Variants in EHMT1 observed in about 807,000 individuals in gnomAD.
The protein encoded by EHMT1 is histone-lysine N-methyltransferase EHMT1.
EHMT1 carries 15 observed loss-of-function variants against 147.2 expected under a neutral mutation model. The observed-to-expected ratio is 0.10, with a 90% CI of 0.07 to 0.16. EHMT1 has a LOEUF of 0.16. EHMT1 is among the 10% of genes least tolerant of loss of function. The pLI, the probability that EHMT1 is intolerant of heterozygous loss-of-function variation, is 1.00. For missense variants in EHMT1, 1,587 were observed against 1,772.4 expected (o/e 0.90, Z 1.88); for synonymous variants, 795 against 709.6 (o/e 1.12, Z -1.91).
rs189451374 is a variant in EHMT1, at chr9:137,635,689, G to A, written c.21+16640G>A. On this transcript the variant is annotated intron_variant, in intron 1 of 26. Transcript: ENST00000460843. ...CAAAAAATTAGTGGGACGTGGTGGC[G>A]GGCGCCTGTAGTTCCAGCTACTCGG... Among the ~76,000 whole-genome samples the A allele has an allele frequency of 3.1e-3, 474 of 150,988 alleles. 2 individuals carry two copies. The highest frequency in any genetic ancestry group is 9.9e-3 in the East Asian group (47 of 4,728).
intron 23 of EHMT1, chr9:137,816,442 C>T: frequency 4.0e-5 from 14 of 346,894 alleles, no homozygotes; most frequent in Admixed American, 8.0e-5. Flanking sequence ...ATTCTCTGTT[C>T]TCTGGGCTTC....
Position 137,782,291 on chromosome 9 carries a change from T to C in EHMT1, c.2276T>C (p.Val759Ala), listed in dbSNP as rs746824538. 6.2e-7 allele frequency: 1 copy of C among 1,613,206 alleles called. No individual in the cohort carries two copies. Reference sequence around the variant, plus strand: ...TTAATAAAACTGTGTTTGTTCACAGTGGACGGAATTGACCCCAACTTCAAA... The same window carrying C: ...TTAATAAAACTGTGTTTGTTCACAGCGGACGGAATTGACCCCAACTTCAAA... The part of the protein sequence containing the change: ...GELQKVLLML[V>A]DGIDPNFKME... Residue 759 changes from valine to alanine, a missense_variant and splice_region_variant, in exon 15 of 27, where the codon GTG becomes GCG. Physicochemically the swap from Val to Ala is moderately conservative, Grantham distance 64. Around this residue, in one of 7 missense-constraint regions of EHMT1, gnomAD observed 201 missense variants for 350.1 expected, o/e 0.57. Transcript: ENST00000460843. This position sits in a 1 kb window ranked among gnomAD's most constrained non-coding sequence, Gnocchi z 5.7.
At chr9:137,805,249 GT>G (rs1953848577) in intron 18 of EHMT1, among the ~76,000 whole-genome samples, 1 of 151,946 alleles carries the variant, frequency 6.6e-6, no homozygotes, top group African/African-American at 2.4e-5. Context: ...ATGTGTGTCA[GT>G]TGTCTACATG....
chr9:137,680,187 G>A (rs1379864892), intron 1 of EHMT1, among the ~76,000 whole-genome samples: 1 of 152,120 alleles, frequency 6.6e-6, no homozygotes, highest in Non-Finnish European at 1.5e-5. Context: ...AAAAGCATCA[G>A]GTGGGACCAG....
chr9:137,652,568 T>C (rs1283383661), intron 1 of EHMT1, among the ~76,000 whole-genome samples: 1 of 151,508 alleles, frequency 6.6e-6, no homozygotes, highest in African/African-American at 2.4e-5. Context: ...TTATTTTTAG[T>C]AGAGGTGGGG....
chr9:137,770,562 G>A (rs746083117), intron 10 of EHMT1, among the ~76,000 whole-genome samples: 8 of 152,198 alleles, frequency 5.3e-5, no homozygotes, highest in Admixed American at 2.6e-4. Flanking sequence ...TGCCCTGCTC[G>A]TTGTTTGGTG....
Position 137,813,629 on chromosome 9 carries a change from A to G in EHMT1, c.3180+99A>G. The G allele has an allele frequency of 1.3e-6, 2 of 1,541,044 alleles. No homozygotes were observed. Among genetic ancestry groups the G allele is most frequent in the Non-Finnish European group, 1.8e-6 (2 of 1,134,494 alleles). On this transcript the variant is annotated intron_variant, in intron 21 of 26. Coordinates refer to ENST00000460843, the MANE Select transcript of EHMT1 (RefSeq NM_024757.5). This position sits in a 1 kb window ranked among gnomAD's most constrained non-coding sequence, Gnocchi z 4.9. The stretch of plus-strand genomic sequence containing the variant: ...CTGGGTTCTCACCACTCAGAGCAGG[A>G]GGGCTTATGGGGGGCTTCCCAGGAA...
At chr9:137,660,059 C>A (rs577222999) in intron 1 of EHMT1, among the ~76,000 whole-genome samples, 1 of 151,092 alleles carries the variant, frequency 6.6e-6, no homozygotes, top group African/African-American at 2.4e-5. Flanking sequence ...CTTCATGTGC[C>A]GGTGTGGTGG....
At chr9:137,640,063 T>C (rs981986350) in intron 1 of EHMT1, among the ~76,000 whole-genome samples, 5 of 151,870 alleles carry the variant, frequency 3.3e-5, no homozygotes, top group African/African-American at 7.3e-5. Flanking sequence ...GCCTCCCGAG[T>C]AGCTAGGATT....
intron 3 of EHMT1, among the ~76,000 whole-genome samples, chr9:137,724,263 A>G (rs1317586441): frequency 6.6e-6 from 1 of 152,172 alleles, no homozygotes; most frequent in Admixed American, 6.5e-5. Context: ...CCTGGTGCAC[A>G]GCCCACCGCC....
Position 137,781,282 on chromosome 9 carries a change from C to T in EHMT1, c.2276-1009C>T, listed in dbSNP as rs1204881788. Among the ~76,000 whole-genome samples the T allele has an allele frequency of 8.8e-4, 108 of 123,184 alleles. 5 individuals are homozygous for T. Among genetic ancestry groups the T allele is most frequent in the Non-Finnish European group, 1.6e-3 (99 of 60,468 alleles). 80.8% of individuals were successfully genotyped at this position (123,184 alleles called of 152,430 possible). A position where few individuals can be genotyped will look rare whatever the true frequency, so the allele number is the denominator to read the frequency against. On this transcript the variant is annotated intron_variant, in intron 14 of 26. Coordinates refer to ENST00000460843, the MANE Select transcript of EHMT1 (RefSeq NM_024757.5). ...ACGACGCTGGGACGTGTGGTGATGA[C>T]GCTGAGATGTGTGGTGATGACGGCA...
intron 18 of EHMT1, among the ~76,000 whole-genome samples, chr9:137,808,738 T>C (rs954816328): frequency 6.6e-6 from 1 of 151,868 alleles, no homozygotes; most frequent in Non-Finnish European, 1.5e-5. Flanking sequence ...CTGGGCAACA[T>C]GGTGAAACCC....
At chr9:137,685,989 GCTGGTCTCCAGCCCCTGGACT>G (rs1217981949) in intron 1 of EHMT1, among the ~76,000 whole-genome samples, 1 of 152,156 alleles carries the variant, frequency 6.6e-6, no homozygotes, top group Non-Finnish European at 1.5e-5. Flanking sequence ...TGTTGCCCAG[GCTGGTCTCCAGCCCCTGGACT>G]CAGGTGGCAC....
intron 10 of EHMT1, among the ~76,000 whole-genome samples, chr9:137,771,197 C>CTTTTTTT (rs1189483493): frequency 3.8e-5 from 4 of 105,920 alleles, no homozygotes; most frequent in Admixed American, 1.1e-4. Context: ...TCTTCCATGT[C>CTTTTTTT]TTTTTTTTTT....
intron 18 of EHMT1, among the ~76,000 whole-genome samples, chr9:137,809,179 C>T (rs1954200449): frequency 6.6e-6 from 1 of 152,140 alleles, no homozygotes; most frequent in Non-Finnish European, 1.5e-5. Flanking sequence ...ACAGTGAAGC[C>T]CATGCCGGGG....
intron 6 of EHMT1, among the ~76,000 whole-genome samples, chr9:137,751,837 T>G (rs1185625093): frequency 6.6e-6 from 1 of 152,246 alleles, no homozygotes; most frequent in Non-Finnish European, 1.5e-5. Flanking sequence ...CGTGGGCAAC[T>G]TAGCTGTGGT....
rs776655539 is a variant in EHMT1 at position 137,717,051 on chromosome 9, A to C, written c.511A>C (p.Thr171Pro). The change falls in exon 3 of 27, where the codon ACG (threonine) becomes CCG (proline). Residue 171 changes from threonine to proline, a missense_variant. Thr to Pro is a conservative substitution (Grantham distance 38). Coordinates refer to ENST00000460843, the MANE Select transcript of EHMT1 (RefSeq NM_024757.5). ...CAGGACTCCAAGCGCTTTTCCCCAG[A>C]CGCCAGCCGCCCCACCAGCCACCCT... ...KGRTPSAFPQTPAAPPATLGE... is the reference protein window; with the variant it reads ...KGRTPSAFPQPPAAPPATLGE... 13 of 1,606,798 alleles carry C rather than the reference A, an allele frequency of 8.1e-6. No individual in the cohort carries two copies. The highest frequency in any genetic ancestry group is 3.3e-4 in the Middle Eastern group (2 of 6,056).
intron 1 of EHMT1, among the ~76,000 whole-genome samples, chr9:137,654,495 C>G (rs1333052074): frequency 6.6e-6 from 1 of 152,072 alleles, no homozygotes; most frequent in Non-Finnish European, 1.5e-5. Flanking sequence ...GCCAGTATCA[C>G]AGTGTCTTGA....
chr9:137,663,832 G>A (rs1939342952), intron 1 of EHMT1, among the ~76,000 whole-genome samples: 1 of 152,088 alleles, frequency 6.6e-6, no homozygotes, highest in African/African-American at 2.4e-5. Flanking sequence ...GAGAGAAGGT[G>A]GAATGCATGT....
Sources: allele counts gnomAD v4.1 joint callset (sites outside exome capture counted in the v4.1 genomes callset), GRCh38; gene constraint gnomAD v4.1.1; regional missense constraint gnomAD v4.1.1; non-coding constraint Gnocchi (gnomAD v3.1); transcripts MANE v1.5; gene names NCBI Gene and HGNC (gene_info 2026-07-23, HGNC 2026-07-21).